Variants in VCAN observed in about 807,000 individuals in gnomAD.
VCAN encodes the protein versican core protein.
Under a neutral mutation model 245.5 loss-of-function variants are expected in VCAN, and 44 were observed. The observed-to-expected ratio is 0.18, with a 90% CI of 0.14 to 0.23. The LOEUF is 0.23. Ranked by LOEUF, VCAN falls within the 10% of genes least tolerant of loss-of-function variation. The probability of loss-of-function intolerance (pLI) is 1.00; values close to 1 mark genes in which losing one functional copy is unlikely to be tolerated. For missense variants in VCAN, 3,793 were observed against 4,057.9 expected (o/e 0.93, Z 1.77); for synonymous variants, 1,413 against 1,437.0 (o/e 0.98, Z 0.38).
intron 9 of VCAN, among the ~76,000 whole-genome samples, chr5:83,547,669 A>G (rs1323372585): frequency 6.6e-6 from 1 of 152,108 alleles, no homozygotes; most frequent in East Asian, 1.9e-4. Flanking sequence ...ATTTATCAGC[A>G]ATGGAGACAA....
intron 1 of VCAN, among the ~76,000 whole-genome samples, chr5:83,474,110 T>G (rs1744297965): frequency 6.6e-6 from 1 of 152,024 alleles, no homozygotes; most frequent in Non-Finnish European, 1.5e-5. Flanking sequence ...AACCCAACGC[T>G]AGGGCCCCGC....
At position 83,539,203 on chromosome 5, in the gene VCAN, A is replaced by G; in HGVS notation, c.6200A>G (p.Glu2067Gly). 6.2e-7 allele frequency: 1 copy of G among 1,614,008 alleles called. No homozygotes were observed. The highest frequency in any genetic ancestry group is 2.2e-5 in the East Asian group (1 of 44,860). The change falls in exon 8 of 15, where the codon GAA becomes GGA. Residue 2067 changes from glutamate (E) to glycine (G), a missense_variant. Glu to Gly is a moderately conservative substitution (Grantham distance 98, BLOSUM62 -2). Coordinates refer to ENST00000265077, the MANE Select transcript of VCAN (RefSeq NM_004385.5). ...RSTILPTAEV[E>G]GTKAPVEKEE... ...ACCATTTTACCAACAGCAGAAGTGG[A>G]AGGTACGAAAGCTCCAGTAGAGAAG... is the stretch of plus-strand genomic sequence containing the variant.
At chr5:83,575,788 T>G (rs1194768329) in intron 13 of VCAN, among the ~76,000 whole-genome samples, 2 of 152,214 alleles carry the variant, frequency 1.3e-5, no homozygotes, top group East Asian at 3.9e-4. Context: ...CCAAAAAAGA[T>G]TCACAAAAAC....
chr5:83,474,049 CT>C (rs1744294711), intron 1 of VCAN, among the ~76,000 whole-genome samples: 1 of 152,222 alleles, frequency 6.6e-6, no homozygotes, highest in Middle Eastern at 3.4e-3. Context: ...CCCTGGGCGT[CT>C]TTAAGAAAGA....
chr5:83,495,666 T>A (rs1362238277), intron 5 of VCAN, among the ~76,000 whole-genome samples: 2 of 152,242 alleles, frequency 1.3e-5, no homozygotes, highest in African/African-American at 2.4e-5. Flanking sequence ...TTTAATTTAG[T>A]GTAATATCTA....
chr5:83,528,832 G>T (rs1345268738), intron 7 of VCAN, among the ~76,000 whole-genome samples: 2 of 152,052 alleles, frequency 1.3e-5, no homozygotes, highest in Admixed American at 6.6e-5. Flanking sequence ...TCTGGAGTCA[G>T]TCTCTCCTTT....
intron 8 of VCAN, among the ~76,000 whole-genome samples, chr5:83,542,625 A>C (rs981745228): frequency 6.6e-6 from 1 of 152,210 alleles, no homozygotes; most frequent in African/African-American, 2.4e-5. Context: ...TAGGTTTAAA[A>C]GTAGAAAAAA....
In VCAN at chr5:83,519,861, C is replaced by T; in HGVS notation, c.1555C>T (p.Pro519Ser). ...PSKEFPVTET[P>S]LVTARMILES... ...CAAGGAATTCCCTGTAACTGAAACA[C>T]CATTGGTAACTGCAAGAATGATCCT... Residue 519 changes from proline to serine, a missense_variant, in exon 7 of 15, where the codon CCA (proline) becomes TCA (serine). Pro to Ser is a moderately conservative substitution (Grantham distance 74). This residue lies in a region of VCAN where 3,182 missense variants were observed against 3,250.3 expected (regional missense o/e 0.98). Transcript: ENST00000265077. 1.2e-6 allele frequency: 2 copies of T among 1,614,090 alleles called. No individual in the cohort carries two copies. The highest frequency in any genetic ancestry group is 1.7e-6 in the Non-Finnish European group (2 of 1,179,990).
chr5:83,516,006 G>A (rs1015584668), intron 6 of VCAN, among the ~76,000 whole-genome samples: 1 of 152,226 alleles, frequency 6.6e-6, no homozygotes, highest in South Asian at 2.1e-4. Flanking sequence ...GCCAAGGTGG[G>A]CGGATCATGA....
chr5:83,473,897 AG>A (rs1407931291), intron 1 of VCAN, among the ~76,000 whole-genome samples: 1 of 152,152 alleles, frequency 6.6e-6, no homozygotes, highest in African/African-American at 2.4e-5. Context: ...CCCTGAAAAA[AG>A]GTCTTGGTCT....
intron 5 of VCAN, among the ~76,000 whole-genome samples, chr5:83,507,870 T>G (rs1745528733): frequency 6.6e-6 from 1 of 152,236 alleles, no homozygotes. Flanking sequence ...TGTTAACATC[T>G]TGATTGCTTT....
rs1212398617 is a variant in VCAN, at chr5:83,541,803, A to T, written c.8800A>T (p.Asn2934Tyr). 1 of 1,614,114 alleles carries T rather than the reference A, an allele frequency of 6.2e-7. No homozygotes were observed. Among genetic ancestry groups the T allele is most frequent in the South Asian group, 1.1e-5 (1 of 91,076 alleles). The change falls in exon 8 of 15, where the codon AAC (asparagine) becomes TAC (tyrosine). Residue 2934 changes from asparagine to tyrosine, a missense_variant. Physicochemically the swap from Asn to Tyr is moderately radical, Grantham distance 143. This residue lies in a region of VCAN where 3,182 missense variants were observed against 3,250.3 expected (regional missense o/e 0.98). Coordinates refer to ENST00000265077, the MANE Select transcript of VCAN (RefSeq NM_004385.5). ...EGTEILQDFQ[N>Y]KTDGQVSGEA... is the part of the protein sequence containing the mutation. ...AACTGAGATTCTCCAAGATTTCCAA[A>T]ACAAAACCGATGGTCAAGTTTCTGG...
rs977685696 is a variant in VCAN, at chr5:83,522,516, T to C, written c.4003+207T>C. ...GAAGAATGTTAGATACAATTTTATG[T>C]TAAAAGTCATAAGAAGCCCTGCTTT... is the stretch of plus-strand genomic sequence containing the variant. On this transcript the variant is annotated intron_variant, in intron 7 of 14. Transcript: ENST00000265077. Among the ~76,000 whole-genome samples, 4 of 152,246 alleles carry C rather than the reference T, an allele frequency of 2.6e-5. No individual in the cohort carries two copies. In the East Asian group the frequency reaches 7.7e-4, roughly 29 times the overall value.
chr5:83,489,664 G>T (rs202041488), intron 2 of VCAN, among the ~76,000 whole-genome samples: 1 of 152,078 alleles, frequency 6.6e-6, no homozygotes, highest in African/African-American at 2.4e-5. Context: ...GGCAGTTATT[G>T]TAACAAACAT....
chr5:83,557,784 C>A (rs1315155059), intron 12 of VCAN, among the ~76,000 whole-genome samples: 3 of 152,108 alleles, frequency 2.0e-5, no homozygotes, highest in Non-Finnish European at 2.9e-5. Flanking sequence ...GATAACTGTA[C>A]AACATAAACA....
chr5:83,504,586 T>A (rs1745427921), intron 5 of VCAN, among the ~76,000 whole-genome samples: 2 of 152,098 alleles, frequency 1.3e-5, no homozygotes, highest in Admixed American at 1.3e-4. Context: ...TTCACCATGT[T>A]GGCCAGTCTG....
chr5:83,511,063 C>G (rs1264367586), intron 5 of VCAN, among the ~76,000 whole-genome samples: 2 of 151,538 alleles, frequency 1.3e-5, no homozygotes, highest in Non-Finnish European at 2.9e-5. Context: ...GCAGTGAGCC[C>G]AGATCGTGCC....
intron 12 of VCAN, among the ~76,000 whole-genome samples, chr5:83,556,151 G>A (rs1747658496): frequency 6.6e-6 from 1 of 152,134 alleles, no homozygotes; most frequent in Non-Finnish European, 1.5e-5. Context: ...TTAAGCACTT[G>A]CTTATGTTTA....
chr5:83,541,177 T>C lies in VCAN; in HGVS notation c.8174T>C (p.Leu2725Ser), dbSNP rs375174544. Residue 2725 changes from leucine (L) to serine (S), a missense_variant, in exon 8 of 15, where the codon TTG (leucine) becomes TCG (serine). By Grantham distance (145) the Leu-to-Ser change is moderately radical. Around this residue, in one of 5 missense-constraint regions of VCAN, gnomAD observed 3,182 missense variants for 3,250.3 expected, o/e 0.98. Transcript: ENST00000265077. ...GATGACATGTTTGAATCAAGCACTT[T>C]GTCTGATGGTCAAGCTATTGCAGAC... Reference protein sequence around the residue: ...ALDDMFESSTLSDGQAIADQS... With the variant: ...ALDDMFESSTSSDGQAIADQS... The C allele has an allele frequency of 1.3e-5, 21 of 1,613,916 alleles. No individual in the cohort carries two copies. The highest frequency in any genetic ancestry group is 4.0e-5 in the African/African-American group (3 of 74,926).
Sources: gnomAD v4.1 joint callset for allele counts (sites outside exome capture counted in the v4.1 genomes callset) on GRCh38, gnomAD v4.1.1 for gene constraint, gnomAD v4.1.1 regional missense constraint, MANE v1.5 for transcripts, NCBI Gene and HGNC (gene_info 2026-07-23, HGNC 2026-07-21) for gene names.